Variants in CDK15 observed in about 807,000 individuals in gnomAD.
The protein encoded by CDK15 is cyclin-dependent kinase 15.
CDK15 carries 62 observed loss-of-function variants against 60.3 expected under a neutral mutation model. That is an observed-to-expected ratio of 1.03 (90% CI 0.84 to 1.27). CDK15 has a LOEUF of 1.27. Ranked by LOEUF, CDK15 falls within the 50% of genes most tolerant of loss-of-function variation. The pLI is 0.00. For missense variants in CDK15, 541 were observed against 527.8 expected (o/e 1.03, Z -0.25); for synonymous variants, 194 against 195.7 (o/e 0.99, Z 0.07).
chr2:201,821,563 G>C (rs1302894067), intron 4 of CDK15, among the ~76,000 whole-genome samples: 1 of 152,086 alleles, frequency 6.6e-6, no homozygotes, highest in Non-Finnish European at 1.5e-5. Flanking sequence ...TTCATGATAT[G>C]CAGGCATAGG....
chr2:201,816,944 G>A (rs935402098), intron 4 of CDK15, among the ~76,000 whole-genome samples: 1 of 152,142 alleles, frequency 6.6e-6, no homozygotes, highest in Non-Finnish European at 1.5e-5. Flanking sequence ...CCCTTAATTT[G>A]CATATAACTA....
At chr2:201,837,447 A>AAAGGAAGGAAGGAAGG (rs541662770) in intron 8 of CDK15, among the ~76,000 whole-genome samples, 17 of 61,200 alleles carry the variant, frequency 2.8e-4, no homozygotes, top group Non-Finnish European at 3.7e-4. Context: ...GGAAGGAAGG[A>AAAGGAAGGAAGGAAGG]AAGGAAGGAA....
chr2:201,888,170 C>T (rs969325358), intron 12 of CDK15, among the ~76,000 whole-genome samples: 1 of 151,774 alleles, frequency 6.6e-6, no homozygotes, highest in Non-Finnish European at 1.5e-5. Context: ...CTCCAGTGCA[C>T]TGAGCCTTCA....
intron 4 of CDK15, among the ~76,000 whole-genome samples, chr2:201,822,158 G>T (rs1338113258): frequency 1.3e-5 from 2 of 152,142 alleles, no homozygotes; most frequent in East Asian, 3.8e-4. Context: ...GCAAGAGAAA[G>T]CCCTCAGCCT....
intron 10 of CDK15, among the ~76,000 whole-genome samples, chr2:201,868,246 G>A: frequency 6.6e-6 from 1 of 152,148 alleles, no homozygotes; most frequent in East Asian, 1.9e-4. Flanking sequence ...ACAGAGTGAA[G>A]AAATTTTTAT....
rs1224543450 is a variant in CDK15 at position 201,861,375 on chromosome 2, A to T, written c.1009+6438A>T. ...CACAGAGAGGTGTATACTTATTGGA[A>T]ATGGCTGAAATCTGCATCCAAACCT... On this transcript the variant is annotated intron_variant, in intron 10 of 13. Transcript: ENST00000652192. 5 of 985,446 alleles carry T rather than the reference A, an allele frequency of 5.1e-6. No homozygotes were observed. In the Admixed American group the frequency reaches 2.5e-4, roughly 48 times the overall value. The allele number at this position is 985,446 out of a possible 1,614,324, so 61.0% of individuals were successfully genotyped here.
intron 6 of CDK15, 131 bp from the exon 7 acceptor site, chr2:201,833,717 T>TTC (rs571845679): frequency 4.0e-4 from 68 of 168,010 alleles, no homozygotes; most frequent in African/African-American, 1.9e-3. Flanking sequence ...CTTCTTCTTC[T>TTC]TTTTTTTTTT....
At chr2:201,844,924 G>A (rs79087762) in intron 8 of CDK15, among the ~76,000 whole-genome samples, 7,816 of 152,250 alleles carry the variant, frequency 0.051, 350 homozygotes, top group East Asian at 0.25. Context: ...TGAGGCAGGC[G>A]GATCAATTGA....
At chr2:201,821,038 C>T (rs955454384) in intron 4 of CDK15, among the ~76,000 whole-genome samples, 1 of 152,088 alleles carries the variant, frequency 6.6e-6, no homozygotes, top group African/African-American at 2.4e-5. Context: ...ATCAGGAAGC[C>T]GTGTCTCTCA....
At chr2:201,847,586 A>G (rs1215636150) in intron 9 of CDK15, 112 bp downstream of exon 9, 2 of 848,716 alleles carry the variant, frequency 2.4e-6, no homozygotes, top group Admixed American at 2.4e-5. Flanking sequence ...ATTAAGCCCT[A>G]TATTAAGATT....
In CDK15 at chr2:201,806,694, A is replaced by G. The variant is rs551306481; in HGVS notation, c.30A>G (p.Val10=). MGQELCAKT[V]QPGCSCYHCS... ...GTCAAGAGCTGTGTGCAAAGACTGT[A>G]CAGCCTGGATGCAGCTGCTACCATT... Residue 10 remains valine, a synonymous_variant, in exon 1 of 14, where the codon GTA becomes GTG. Transcript: ENST00000652192. The G allele has an allele frequency of 1.9e-6, 3 of 1,597,654 alleles. No homozygotes were observed. The Admixed American group carries it at 5.0e-5, about 27-fold the overall frequency.
rs1466764006 is a variant in CDK15, at chr2:201,882,632, G to T, written c.1198+2465G>T. ...ACAGGGAAAGGCGGGGGCAAGATTG[G>T]GTGTGTGTGCTTCTGTGTGTGTGTG... On this transcript the variant is annotated intron_variant, in intron 12 of 13. Transcript: ENST00000652192. The surrounding 1 kb of genome is among the most constrained non-coding windows in gnomAD (Gnocchi z 4.0). Among the ~76,000 whole-genome samples the T allele has an allele frequency of 2.0e-5, 3 of 148,654 alleles. No individual in the cohort carries two copies. Among genetic ancestry groups the T allele is most frequent in the African/African-American group, 7.4e-5 (3 of 40,532 alleles).
Position 201,806,566 on chromosome 2 carries a change from C to T in CDK15, c.-99C>T. 1 of 1,361,342 alleles carries T rather than the reference C, an allele frequency of 7.3e-7. No homozygotes were observed. The highest frequency in any genetic ancestry group is 2.4e-5 in the Admixed American group (1 of 41,298). 84.3% of individuals were successfully genotyped at this position (1,361,342 alleles called of 1,614,324 possible). ...CCATCATGTGAGTCATATGAAAGCT[C>T]CACGCTGCTGACCTCTGGCAAAAAG... On this transcript the variant is annotated 5_prime_UTR_variant, in exon 1 of 14. Coordinates refer to ENST00000652192, the MANE Select transcript of CDK15 (RefSeq NM_001366386.2).
chr2:201,825,256 C>T (rs984528479), intron 6 of CDK15, among the ~76,000 whole-genome samples: 4 of 144,534 alleles, frequency 2.8e-5, no homozygotes, highest in African/African-American at 7.8e-5. Context: ...AGAGGTGCAG[C>T]GAGCAAAGAT....
intron 8 of CDK15, among the ~76,000 whole-genome samples, chr2:201,836,528 C>A (rs1434502784): frequency 1.3e-5 from 2 of 151,788 alleles, no homozygotes; most frequent in East Asian, 3.9e-4. Context: ...CAGGCTGAAG[C>A]AGTTCTCCCA....
chr2:201,806,626 AG>A lies in CDK15; in HGVS notation c.-37del, dbSNP rs773463122. On this transcript the variant is annotated 5_prime_UTR_variant, in exon 1 of 14. Transcript: ENST00000652192. ...AAGGATAGGAGAGGCAGTGGGGGAA[AG>A]GTTCAAGTGCGGGTTTTCTCCTTGA... 10 of 1,539,570 alleles carry A rather than the reference AG, an allele frequency of 6.5e-6. No individual in the cohort carries two copies. The highest frequency in any genetic ancestry group is 1.8e-6 in the Non-Finnish European group (2 of 1,142,526).
intron 13 of CDK15, among the ~76,000 whole-genome samples, chr2:201,892,892 T>A (rs767285371): frequency 2.2e-4 from 34 of 152,228 alleles, no homozygotes; most frequent in Non-Finnish European, 4.4e-4. Flanking sequence ...ATTAAGATTC[T>A]TGAAAGAGCT....
rs748052149 is a variant in CDK15, at chr2:201,848,060, G to A, written c.945+586G>A. On this transcript the variant is annotated intron_variant, in intron 9 of 13. Transcript: ENST00000652192. Reference sequence around the variant, plus strand: ...AGGATCACTTGAGCCCAGGGAAGTCGAGGCTGCTGTTAGCTGTGACCACGC... The same window carrying A: ...AGGATCACTTGAGCCCAGGGAAGTCAAGGCTGCTGTTAGCTGTGACCACGC... 6.6e-5 allele frequency among the ~76,000 whole-genome samples: 10 copies of A among 152,114 alleles called. No homozygotes were observed. In the East Asian group the frequency reaches 7.7e-4, roughly 12 times the overall value.
rs138772590 is a variant in CDK15, at chr2:201,843,289, T to G, written c.852-4092T>G. On this transcript the variant is annotated intron_variant, in intron 8 of 13. Transcript: ENST00000652192. ...GCAACCTCCAACTCCCCGGTTCAAG[T>G]GATTCTCCTGCCTCAACCTCCTGAG... Among the ~76,000 whole-genome samples, 25 of 152,150 alleles carry G rather than the reference T, an allele frequency of 1.6e-4. No individual in the cohort carries two copies. In the East Asian group the frequency reaches 4.8e-3, roughly 29 times the overall value.
Sources: allele counts gnomAD v4.1 joint callset (sites outside exome capture counted in the v4.1 genomes callset), GRCh38; gene constraint gnomAD v4.1.1; non-coding constraint Gnocchi (gnomAD v3.1); transcripts MANE v1.5; gene names NCBI Gene and HGNC (gene_info 2026-07-23, HGNC 2026-07-21).